The following RORB variants were observed in gnomAD, a reference collection of about 807,000 sequenced individuals.
The protein encoded by RORB is RAR related orphan receptor B.
RORB carries 6 observed loss-of-function variants against 59.1 expected under a neutral mutation model. The ratio of observed to expected loss-of-function variants is 0.10; its 90% CI spans 0.06 to 0.20. RORB has a LOEUF of 0.20. RORB is among the 10% of genes least tolerant of loss of function. RORB has a pLI of 1.00. For synonymous variants in RORB, 215 were observed against 204.5 expected (o/e 1.05, Z -0.44); for missense variants, 320 against 560.5 (o/e 0.57, Z 4.33).
At chr9:74,569,974 G>C (rs1822527335) in intron 1 of RORB, among the ~76,000 whole-genome samples, 1 of 151,804 alleles carries the variant, frequency 6.6e-6, no homozygotes, top group Admixed American at 6.6e-5. Flanking sequence ...CCCCTCCTAT[G>C]TTCCTTTAAA....
chr9:74,627,463 G>A (rs1352341769), intron 1 of RORB, among the ~76,000 whole-genome samples: 1 of 152,144 alleles, frequency 6.6e-6, no homozygotes, highest in Middle Eastern at 3.2e-3. Flanking sequence ...TTATAAATAT[G>A]TATAAATATG....
intron 1 of RORB, among the ~76,000 whole-genome samples, chr9:74,626,247 C>T (rs1823512861): frequency 6.6e-6 from 1 of 151,970 alleles, no homozygotes. Context: ...TGCCAGATCA[C>T]TAGATAGTAA....
chr9:74,566,726 G>C (rs1822475295), intron 1 of RORB, among the ~76,000 whole-genome samples: 1 of 152,192 alleles, frequency 6.6e-6, no homozygotes, highest in Non-Finnish European at 1.5e-5. Flanking sequence ...GAATCCAGGA[G>C]GTGGAGGTTG....
At position 74,665,474 on chromosome 9, in the gene RORB, T is replaced by C; in HGVS notation, c.893-14T>C. 1 of 1,503,118 alleles carries C rather than the reference T, an allele frequency of 6.7e-7. No homozygotes were observed. Among genetic ancestry groups the C allele is most frequent in the Non-Finnish European group, 9.1e-7 (1 of 1,097,808 alleles). 93.1% of individuals were successfully genotyped at this position (1,503,118 alleles called of 1,614,324 possible). ...TATTTTTATTTTATTTTTATTTTTA[T>C]TTTTTACTCATAGGTTGCTTGGAAG... On this transcript the variant is annotated splice_polypyrimidine_tract_variant and intron_variant, in intron 6 of 9. Coordinates refer to ENST00000376896, the MANE Select transcript of RORB (RefSeq NM_006914.4).
intron 1 of RORB, among the ~76,000 whole-genome samples, chr9:74,605,962 T>A (rs1372843390): frequency 1.3e-5 from 2 of 152,154 alleles, no homozygotes; most frequent in African/African-American, 4.8e-5. Flanking sequence ...CTCTAACAAG[T>A]ACACAGGAGC....
intron 1 of RORB, among the ~76,000 whole-genome samples, chr9:74,607,535 T>A (rs1207865381): frequency 6.6e-6 from 1 of 152,114 alleles, no homozygotes; most frequent in Non-Finnish European, 1.5e-5. Context: ...ATGTCCTACA[T>A]TCAAAAGCAG....
At chr9:74,681,301 G>A (rs1287560797) in intron 9 of RORB, among the ~76,000 whole-genome samples, 1 of 152,188 alleles carries the variant, frequency 6.6e-6, no homozygotes, top group Non-Finnish European at 1.5e-5. Flanking sequence ...ATAAGTGATT[G>A]CCTGCTGCTC....
chr9:74,654,893 A>G (rs1824055533), intron 4 of RORB, among the ~76,000 whole-genome samples: 1 of 152,212 alleles, frequency 6.6e-6, no homozygotes, highest in South Asian at 2.1e-4. Flanking sequence ...AGGGAAAGGA[A>G]GAGAAAGAGA....
intron 1 of RORB, among the ~76,000 whole-genome samples, chr9:74,589,689 G>A (rs2118282192): frequency 6.6e-6 from 1 of 152,270 alleles, no homozygotes; most frequent in East Asian, 1.9e-4. Flanking sequence ...AAAAAGCACA[G>A]GATGAGTGTC....
At chr9:74,526,648 AT>A (rs901246309) in intron 1 of RORB, among the ~76,000 whole-genome samples, 4 of 151,964 alleles carry the variant, frequency 2.6e-5, no homozygotes, top group African/African-American at 9.7e-5. Context: ...ATTTTCTTAG[AT>A]GCCCAATGTA....
At chr9:74,600,765 A>G (rs896395743) in intron 1 of RORB, among the ~76,000 whole-genome samples, 1 of 152,234 alleles carries the variant, frequency 6.6e-6, no homozygotes, top group Non-Finnish European at 1.5e-5. Context: ...TTCTACATTG[A>G]TAATTAACTG....
At chr9:74,563,184 CTTT>C (rs766404071) in intron 1 of RORB, among the ~76,000 whole-genome samples, 9 of 127,102 alleles carry the variant, frequency 7.1e-5, no homozygotes, top group Admixed American at 1.6e-4. Flanking sequence ...TCTCTTCAGT[CTTT>C]TTTTTTTTTT....
chr9:74,554,061 A>G (rs987452815), intron 1 of RORB, among the ~76,000 whole-genome samples: 1 of 152,192 alleles, frequency 6.6e-6, no homozygotes. Flanking sequence ...ATCAGACCTT[A>G]GAGATGGAGT....
At chr9:74,585,607 C>T (rs1822786279) in intron 1 of RORB, among the ~76,000 whole-genome samples, 1 of 152,080 alleles carries the variant, frequency 6.6e-6, no homozygotes, top group African/African-American at 2.4e-5. Flanking sequence ...TTGTCCTGAC[C>T]ATTAGATTAT....
chr9:74,673,512 C>T (rs966552863), intron 9 of RORB, among the ~76,000 whole-genome samples: 8 of 152,072 alleles, frequency 5.3e-5, no homozygotes, highest in African/African-American at 1.7e-4. Flanking sequence ...GATTCTAACA[C>T]GTTGTGAAAT....
intron 1 of RORB, among the ~76,000 whole-genome samples, chr9:74,531,136 G>A (rs1446904225): frequency 6.6e-6 from 1 of 151,910 alleles, no homozygotes; most frequent in Non-Finnish European, 1.5e-5. Flanking sequence ...ATTTTGCTAA[G>A]GAGTCAGTTT....
chr9:74,522,581 G>T (rs954775379), intron 1 of RORB, among the ~76,000 whole-genome samples: 2 of 151,664 alleles, frequency 1.3e-5, no homozygotes, highest in Non-Finnish European at 2.9e-5. Context: ...CTTCAATAAG[G>T]GTAAAGCCCA....
chr9:74,519,612 A>T (rs1417355859), intron 1 of RORB, among the ~76,000 whole-genome samples: 2 of 151,964 alleles, frequency 1.3e-5, no homozygotes, highest in Non-Finnish European at 2.9e-5. Context: ...ATGCTGACGT[A>T]GACTTTTCTG....
intron 9 of RORB, among the ~76,000 whole-genome samples, chr9:74,679,705 T>C (rs952671948): frequency 2.0e-5 from 3 of 152,208 alleles, no homozygotes; most frequent in Non-Finnish European, 2.9e-5. Flanking sequence ...TGCTGGCATA[T>C]ACTATAGGTA....
Sources: allele counts gnomAD v4.1 joint callset (sites outside exome capture counted in the v4.1 genomes callset), GRCh38; gene constraint gnomAD v4.1.1; transcripts MANE v1.5; gene names NCBI Gene and HGNC (gene_info 2026-07-23, HGNC 2026-07-21).